The following PCDHAC1 variants were observed in gnomAD, a reference collection of about 807,000 sequenced individuals.
PCDHAC1 encodes the protein protocadherin alpha subfamily C, 1.
PCDHAC1 carries 42 observed loss-of-function variants against 60.0 expected under a neutral mutation model. The ratio of observed to expected loss-of-function variants is 0.70; its 90% CI spans 0.55 to 0.90. The LOEUF is 0.90. PCDHAC1 is among the 40% of genes least tolerant of loss of function. PCDHAC1 has a pLI of 0.00. For missense variants in PCDHAC1, 1,160 were observed against 1,222.3 expected, an observed-to-expected ratio of 0.95 and a Z score of 0.76; for synonymous variants, 468 against 499.3, an observed-to-expected ratio of 0.94 and a Z score of 0.84.
Position 141,009,714 on chromosome 5 carries a change from A to G in PCDHAC1, c.2669A>G (p.Lys890Arg), listed in dbSNP as rs1175529844. 1 of 1,613,966 alleles carries G rather than the reference A, an allele frequency of 6.2e-7. No homozygotes were observed. Among genetic ancestry groups the G allele is most frequent in the Non-Finnish European group, 8.5e-7 (1 of 1,180,012 alleles). Reference protein sequence around the residue: ...WTFKYGPGNPKQSGPGELPDK... With the variant: ...WTFKYGPGNPRQSGPGELPDK... ...TTTAAATACGGACCAGGCAACCCCA[A>G]ACAATCCGGTCCCGGTGAGTTGCCC... The change falls in exon 4 of 4, where the codon AAA becomes AGA. Residue 890 changes from lysine to arginine, a missense_variant. By Grantham distance (26) the Lys-to-Arg change is conservative. Transcript: ENST00000253807.
At chr5:140,984,339 A>G (rs956761683) in intron 3 of PCDHAC1, among the ~76,000 whole-genome samples, 2 of 152,246 alleles carry the variant, frequency 1.3e-5, no homozygotes, top group Non-Finnish European at 2.9e-5. Context: ...AATAGGAACC[A>G]TGTATTGATA....
In PCDHAC1 at chr5:141,009,679, C is replaced by T; in HGVS notation, c.2634C>T (p.Asn878=). 1.2e-6 allele frequency: 2 copies of T among 1,614,116 alleles called. No individual in the cohort carries two copies. The highest frequency in any genetic ancestry group is 8.5e-7 in the Non-Finnish European group (1 of 1,180,026). The part of the protein sequence containing the change: ...SPPVGAGVNS[N]SWTFKYGPGN... ...CAGTCGGTGCGGGTGTCAACAGCAA[C>T]AGCTGGACCTTTAAATACGGACCAG... The change falls in exon 4 of 4, where the codon AAC becomes AAT. Residue 878 remains asparagine (N), a synonymous_variant. Coordinates refer to ENST00000253807, the MANE Select transcript of PCDHAC1 (RefSeq NM_018898.5).
At chr5:140,959,099 G>T (rs1233693181) in intron 1 of PCDHAC1, among the ~76,000 whole-genome samples, 1 of 152,078 alleles carries the variant, frequency 6.6e-6, no homozygotes, top group Non-Finnish European at 1.5e-5. Context: ...CGGACATTCA[G>T]CAGGGGTCCG....
Position 140,926,987 on chromosome 5 carries a change from G to A in PCDHAC1, c.95G>A (p.Arg32Gln), listed in dbSNP as rs782407289. The change falls in exon 1 of 4, where the codon CGG (arginine) becomes CAG (glutamine). Residue 32 changes from arginine to glutamine, a missense_variant. Around this residue, in one of 3 missense-constraint regions of PCDHAC1, gnomAD observed 43 missense variants for 40.4 expected, o/e 1.06. Transcript: ENST00000253807. ...TACTCAGTGCCGGAGGAGACGGAGC[G>A]GGGCGTAGCCGTAGGCAATCTCTCC... ...LEYSVPEETE[R>Q]GVAVGNLSAD... is the part of the protein sequence containing the mutation. 8.1e-6 allele frequency: 13 copies of A among 1,610,996 alleles called. No homozygotes were observed. The highest frequency in any genetic ancestry group is 1.1e-5 in the Non-Finnish European group (13 of 1,177,924).
intron 1 of PCDHAC1, among the ~76,000 whole-genome samples, chr5:140,939,155 G>C (rs1279259680): frequency 6.6e-6 from 1 of 152,196 alleles, no homozygotes; most frequent in Non-Finnish European, 1.5e-5. Flanking sequence ...GGTCCTGGCA[G>C]ATTTGTGTCT....
intron 3 of PCDHAC1, among the ~76,000 whole-genome samples, chr5:140,997,129 C>A (rs983112049): frequency 6.6e-6 from 1 of 151,976 alleles, no homozygotes; most frequent in Non-Finnish European, 1.5e-5. Flanking sequence ...ATACACAATG[C>A]CCCCACACCC....
At chr5:140,992,201 CAG>C (rs1587495213) in intron 3 of PCDHAC1, among the ~76,000 whole-genome samples, 1 of 152,256 alleles carries the variant, frequency 6.6e-6, no homozygotes, top group East Asian at 1.9e-4. Context: ...TCTATCCAAT[CAG>C]ATAAACTACT....
intron 1 of PCDHAC1, among the ~76,000 whole-genome samples, chr5:140,950,025 T>C (rs907309880): frequency 6.6e-6 from 1 of 151,922 alleles, no homozygotes; most frequent in East Asian, 1.9e-4. Context: ...TCATAAAATA[T>C]AGAAAAGTTA....
At chr5:140,967,783 C>T (rs1554229939) in intron 1 of PCDHAC1, 1 of 1,614,186 alleles carries the variant, frequency 6.2e-7, no homozygotes, top group Admixed American at 1.7e-5. Flanking sequence ...AGGCGACTGA[C>T]CGGGGTCCAG....
At chr5:140,935,473 AT>A (rs2090393235) in intron 1 of PCDHAC1, among the ~76,000 whole-genome samples, 1 of 152,212 alleles carries the variant, frequency 6.6e-6, no homozygotes, top group African/African-American at 2.4e-5. Context: ...AGTTTTTGTC[AT>A]TCTTTTCATT....
At chr5:140,932,538 T>C (rs538830618) in intron 1 of PCDHAC1, among the ~76,000 whole-genome samples, 1 of 152,036 alleles carries the variant, frequency 6.6e-6, no homozygotes, top group South Asian at 2.1e-4. Context: ...CAAGGTGCTT[T>C]ATTTAACATA....
At chr5:140,998,687 C>T (rs922040842) in intron 3 of PCDHAC1, among the ~76,000 whole-genome samples, 9 of 152,042 alleles carry the variant, frequency 5.9e-5, no homozygotes, top group Non-Finnish European at 1.5e-5. Flanking sequence ...GCCTCAGCCT[C>T]CCAAGTAGCT....
chr5:140,967,503 G>C (rs369053625), intron 1 of PCDHAC1: 1 of 1,612,938 alleles, frequency 6.2e-7, no homozygotes, highest in Non-Finnish European at 8.5e-7. Context: ...ATCTCTGTGC[G>C]TGTCCTGGAC....
chr5:140,999,304 C>G (rs1587831145), intron 3 of PCDHAC1, among the ~76,000 whole-genome samples: 2 of 152,190 alleles, frequency 1.3e-5, no homozygotes, highest in East Asian at 3.8e-4. Flanking sequence ...TTCAGAATTT[C>G]TTCATGACAG....
In PCDHAC1 at chr5:140,941,202, C is replaced by CCCTTCTTTCTTTCTTTCTTT; in HGVS notation, c.2433+11878_2433+11879insCTTCTTTCTTTCTTTCTTTC. Among the ~76,000 whole-genome samples, 3 of 122,832 alleles carry CCCTTCTTTCTTTCTTTCTTT rather than the reference C, an allele frequency of 2.4e-5. No homozygotes were observed. The East Asian group carries it at 6.6e-4, about 27-fold the overall frequency. The allele number at this position is 122,832 out of a possible 152,430, so 80.6% of individuals were successfully genotyped here. A position where few individuals can be genotyped will look rare whatever the true frequency, so the allele number is the denominator to read the frequency against. On this transcript the variant is annotated intron_variant, in intron 1 of 3. Transcript: ENST00000253807. ...TCCTGCTTCTTTTTTTTTCTTTCTT[C>CCCTTCTTTCTTTCTTTCTTT]CTTTCTTTCTTCCTTTCTTTCTTTC...
intron 1 of PCDHAC1, among the ~76,000 whole-genome samples, chr5:140,935,104 A>G (rs1233919640): frequency 2.0e-5 from 3 of 152,126 alleles, no homozygotes; most frequent in Non-Finnish European, 4.4e-5. Context: ...GCCATTTTTC[A>G]AAGAGCTTTC....
Position 140,929,281 on chromosome 5 carries a change from C to A in PCDHAC1, c.2389C>A (p.Gln797Lys). Residue 797 changes from glutamine to lysine, a missense_variant, in exon 1 of 4, where the codon CAG (glutamine) becomes AAG (lysine). Gln to Lys is a moderately conservative substitution (Grantham distance 53, BLOSUM62 1). This residue lies in a region of PCDHAC1 where 1,113 missense variants were observed against 1,163.7 expected (regional missense o/e 0.96). Transcript: ENST00000253807. ...VGLNLPISCI[Q>K]IRNRKGDHAN... ...ACTGAATTTGCCAATATCCTGTATT[C>A]AGATTCGGAATAGGAAAGGGGATCA... is the stretch of plus-strand genomic sequence containing the variant. The A allele has an allele frequency of 6.2e-7, 1 of 1,602,592 alleles. No homozygotes were observed. Among genetic ancestry groups the A allele is most frequent in the Non-Finnish European group, 8.5e-7 (1 of 1,172,046 alleles).
intron 1 of PCDHAC1, among the ~76,000 whole-genome samples, chr5:140,954,401 A>G (rs567522525): frequency 2.0e-4 from 31 of 152,300 alleles, no homozygotes; most frequent in Middle Eastern, 3.4e-3. Flanking sequence ...AACCCCACCA[A>G]CAGGGTAAAG....
At chr5:140,940,271 T>C (rs1371680526) in intron 1 of PCDHAC1, among the ~76,000 whole-genome samples, 1 of 152,228 alleles carries the variant, frequency 6.6e-6, no homozygotes, top group East Asian at 1.9e-4. Context: ...GGTTCCACTG[T>C]TGTCTCATTG....
Sources: gnomAD v4.1 joint callset for allele counts (sites outside exome capture counted in the v4.1 genomes callset) on GRCh38, gnomAD v4.1.1 for gene constraint, gnomAD v4.1.1 regional missense constraint, MANE v1.5 for transcripts, NCBI Gene and HGNC (gene_info 2026-07-23, HGNC 2026-07-21) for gene names.